KCTD16: variants seen among roughly 807,000 people sequenced by gnomAD.
The protein encoded by KCTD16 is BTB/POZ domain-containing protein KCTD16.
Under a neutral mutation model 33.2 loss-of-function variants are expected in KCTD16, and 13 were observed. The ratio of observed to expected loss-of-function variants is 0.39; its 90% CI spans 0.25 to 0.62. The LOEUF (loss-of-function observed/expected upper bound fraction) is 0.62, where lower values mean the gene tolerates loss of function less well. Among genes scored for constraint, KCTD16 ranks in the 20% least tolerant of loss-of-function variants. KCTD16 has a pLI of 0.50. For missense variants in KCTD16, 441 were observed against 525.1 expected (o/e 0.84, Z 1.57); for synonymous variants, 197 against 195.3 (o/e 1.01, Z -0.07).
chr5:144,416,713 CA>C (rs1052414774), intron 3 of KCTD16, among the ~76,000 whole-genome samples: 2 of 152,160 alleles, frequency 1.3e-5, no homozygotes, highest in African/African-American at 4.8e-5. Flanking sequence ...CCATCTATAT[CA>C]AGCTCCAAAA....
At chr5:144,294,833 T>C (rs761808957) in intron 3 of KCTD16, among the ~76,000 whole-genome samples, 3 of 152,178 alleles carry the variant, frequency 2.0e-5, no homozygotes, top group African/African-American at 4.8e-5. Context: ...GAGCATTTAC[T>C]GTATGGAAGT....
At position 144,251,473 on chromosome 5, in the gene KCTD16, T is replaced by C. The variant is rs539106628; in HGVS notation, c.832+43927T>C. ...AAAGCATTAAATCAATGGTAACTATTATTATCTGAACAGAACTAAATAGTT... is the reference window on the plus strand; with the variant it reads ...AAAGCATTAAATCAATGGTAACTATCATTATCTGAACAGAACTAAATAGTT... On this transcript the variant is annotated intron_variant, in intron 3 of 3. Transcript: ENST00000512467. 1.1e-4 allele frequency among the ~76,000 whole-genome samples: 16 copies of C among 152,324 alleles called. No individual in the cohort carries two copies. The South Asian group carries it at 2.9e-3, about 28-fold the overall frequency.
intron 3 of KCTD16, among the ~76,000 whole-genome samples, chr5:144,391,284 G>A (rs1157115203): frequency 1.3e-5 from 2 of 152,220 alleles, no homozygotes; most frequent in African/African-American, 4.8e-5. Flanking sequence ...TGAACTAATG[G>A]TAGAGATTTC....
chr5:144,223,027 C>A (rs1412936778), intron 3 of KCTD16, among the ~76,000 whole-genome samples: 4 of 152,070 alleles, frequency 2.6e-5, no homozygotes, highest in Non-Finnish European at 5.9e-5. Context: ...TCATGCTCAG[C>A]AAACTATCGC....
chr5:144,394,975 T>C (rs565495841), intron 3 of KCTD16, among the ~76,000 whole-genome samples: 8 of 152,346 alleles, frequency 5.3e-5, no homozygotes, highest in Admixed American at 6.5e-5. Context: ...AAACTAGTCT[T>C]GCTTAACCCA....
chr5:144,368,402 T>G (rs566348382), intron 3 of KCTD16, among the ~76,000 whole-genome samples: 82 of 152,198 alleles, frequency 5.4e-4, no homozygotes, highest in African/African-American at 1.9e-3. Flanking sequence ...GCAACATTGC[T>G]GGTTTCAGGA....
In KCTD16 at chr5:144,255,192, A is replaced by G. The variant is rs564741733; in HGVS notation, c.832+47646A>G. ...ATAGCATTTCATTACATGTATGTGT[A>G]TACTACATTTTCTTTATGCATTTTT... is the stretch of plus-strand genomic sequence containing the variant. On this transcript the variant is annotated intron_variant, in intron 3 of 3. Coordinates refer to ENST00000512467, the MANE Select transcript of KCTD16 (RefSeq NM_020768.4). Among the ~76,000 whole-genome samples, 8 of 152,324 alleles carry G rather than the reference A, an allele frequency of 5.3e-5. No homozygotes were observed. In the South Asian group the frequency reaches 1.7e-3, roughly 32 times the overall value.
At chr5:144,215,535 G>T (rs1753537278) in intron 3 of KCTD16, among the ~76,000 whole-genome samples, 1 of 152,170 alleles carries the variant, frequency 6.6e-6, no homozygotes, top group Non-Finnish European at 1.5e-5. Flanking sequence ...GCAGCTTGAG[G>T]TTGAATCTCA....
At position 144,207,410 on chromosome 5, in the gene KCTD16, C is replaced by G. The variant is rs1433083367; in HGVS notation, c.696C>G (p.His232Gln). ...CCAGATTTTATCTCAAATTCAAGCA[C>G]CTGGAAAGGGCTTTTGATATGTTGT... ...YTSRFYLKFK[H>Q]LERAFDMLSE... Residue 232 changes from histidine (H) to glutamine (Q), a missense_variant, in exon 3 of 4, where the codon CAC becomes CAG. His to Gln is a conservative substitution (Grantham distance 24, BLOSUM62 0). This residue lies in a region of KCTD16 where 355 missense variants were observed against 413.0 expected (regional missense o/e 0.86). Transcript: ENST00000512467. The G allele has an allele frequency of 6.2e-6, 10 of 1,614,178 alleles. No individual in the cohort carries two copies. The highest frequency in any genetic ancestry group is 8.5e-6 in the Non-Finnish European group (10 of 1,180,034).
chr5:144,267,740 T>A (rs1048823361), intron 3 of KCTD16, among the ~76,000 whole-genome samples: 2 of 152,198 alleles, frequency 1.3e-5, no homozygotes, highest in Non-Finnish European at 2.9e-5. Context: ...ATTCTTTCCC[T>A]GCAAGTCACA....
chr5:144,381,079 A>G (rs1416051229), intron 3 of KCTD16, among the ~76,000 whole-genome samples: 2 of 152,214 alleles, frequency 1.3e-5, no homozygotes, highest in African/African-American at 2.4e-5. Context: ...AATATCCTGA[A>G]TCTATAAGAA....
At chr5:144,361,173 C>A (rs181425945) in intron 3 of KCTD16, among the ~76,000 whole-genome samples, 23 of 150,378 alleles carry the variant, frequency 1.5e-4, no homozygotes, top group African/African-American at 5.4e-4. Flanking sequence ...TTTGTTCTTG[C>A]GATAGTTTAC....
intron 3 of KCTD16, among the ~76,000 whole-genome samples, chr5:144,226,656 T>C (rs1753940151): frequency 6.6e-6 from 1 of 152,038 alleles, no homozygotes; most frequent in Non-Finnish European, 1.5e-5. Context: ...CACTGCGACC[T>C]CTGCCTCCCA....
chr5:144,434,028 T>C (rs1161320674), intron 3 of KCTD16, among the ~76,000 whole-genome samples: 1 of 152,170 alleles, frequency 6.6e-6, no homozygotes, highest in Non-Finnish European at 1.5e-5. Context: ...CCCTCAGCTC[T>C]ACTAATCTGT....
At chr5:144,181,175 C>T (rs530012148) in intron 2 of KCTD16, among the ~76,000 whole-genome samples, 35 of 152,000 alleles carry the variant, frequency 2.3e-4, no homozygotes, top group African/African-American at 6.7e-4. Flanking sequence ...CCTCATGATC[C>T]GCCCGCCTCT....
chr5:144,430,996 G>T lies in KCTD16; in HGVS notation c.833-42664G>T, dbSNP rs143973122. Among the ~76,000 whole-genome samples, 833 of 152,094 alleles carry T rather than the reference G, an allele frequency of 5.5e-3. 10 individuals carry two copies. Among genetic ancestry groups the T allele is most frequent in the East Asian group, 0.048 (246 of 5,170 alleles). Reference sequence around the variant, plus strand: ...TTCCATATTTTGCATACAGTTTCAGGGATTCCATAGTCCTCCTGAAGACCA... The same window carrying T: ...TTCCATATTTTGCATACAGTTTCAGTGATTCCATAGTCCTCCTGAAGACCA... On this transcript the variant is annotated intron_variant, in intron 3 of 3. Coordinates refer to ENST00000512467, the MANE Select transcript of KCTD16 (RefSeq NM_020768.4).
At position 144,479,664 on chromosome 5, in the gene KCTD16, C is replaced by T. The variant is rs1262608339; in HGVS notation, c.*5550C>T. On this transcript the variant is annotated 3_prime_UTR_variant, in exon 4 of 4. Coordinates refer to ENST00000512467, the MANE Select transcript of KCTD16 (RefSeq NM_020768.4). ...GTTAAATTTGATTCAGTTTGTTGCC[C>T]TCTCTCCTCTACTTCCTAAGTGGGA... The T allele has an allele frequency of 6.6e-6, 1 of 151,838 alleles. No individual in the cohort carries two copies. Among genetic ancestry groups the T allele is most frequent in the Admixed American group, 6.6e-5 (1 of 15,218 alleles). The allele number at this position is 151,838 out of a possible 1,614,324, so 9.4% of individuals were successfully genotyped here. A position where few individuals can be genotyped will look rare whatever the true frequency, so the allele number is the denominator to read the frequency against.
intron 3 of KCTD16, among the ~76,000 whole-genome samples, chr5:144,452,556 T>G (rs1194659087): frequency 1.3e-5 from 2 of 151,494 alleles, no homozygotes; most frequent in African/African-American, 4.9e-5. Flanking sequence ...AAAAGTAGAG[T>G]ATCTCTATTT....
At position 144,482,344 on chromosome 5, in the gene KCTD16, A is replaced by C. The variant is rs1422960; in HGVS notation, c.*8230A>C. 64,262 of 151,738 alleles carry C rather than the reference A, an allele frequency of 0.42. 13,856 individuals are homozygous for C. The highest frequency in any genetic ancestry group is 0.67 in the East Asian group (3,430 of 5,120). 9.4% of individuals were successfully genotyped at this position (151,738 alleles called of 1,614,324 possible). Reference sequence around the variant, plus strand: ...AATGTTGTAGAACAAGTATCTGGTGAGTACTGATACCCTAAGAAACTCACC... The same window carrying C: ...AATGTTGTAGAACAAGTATCTGGTGCGTACTGATACCCTAAGAAACTCACC... On this transcript the variant is annotated 3_prime_UTR_variant, in exon 4 of 4. Coordinates refer to ENST00000512467, the MANE Select transcript of KCTD16 (RefSeq NM_020768.4).
Sources: gnomAD v4.1 joint callset for allele counts (sites outside exome capture counted in the v4.1 genomes callset) on GRCh38, gnomAD v4.1.1 for gene constraint, gnomAD v4.1.1 regional missense constraint, MANE v1.5 for transcripts, NCBI Gene and HGNC (gene_info 2026-07-23, HGNC 2026-07-21) for gene names.